The following MGAM variants were observed in gnomAD, a reference collection of about 807,000 sequenced individuals.
MGAM encodes alpha-1,4-glucosidase.
In MGAM, 253 loss-of-function variants were observed where a neutral mutation model predicts 358.8. That is an observed-to-expected ratio of 0.71 (90% CI 0.64 to 0.78). The LOEUF is 0.78. MGAM is among the 30% of genes least tolerant of loss of function. The pLI is 0.00. For missense variants in MGAM, 3,080 were observed against 3,432.6 expected, an observed-to-expected ratio of 0.90 and a Z score of 2.57; for synonymous variants, 1,105 against 1,227.1, an observed-to-expected ratio of 0.90 and a Z score of 2.08.
At chr7:142,033,338 G>T (rs1173426108) in intron 14 of MGAM, among the ~76,000 whole-genome samples, 1 of 152,172 alleles carries the variant, frequency 6.6e-6, no homozygotes, top group African/African-American at 2.4e-5. Context: ...TGAAAAGACA[G>T]AACTCATGAC....
At chr7:142,042,017 A>G (rs1808800632) in intron 21 of MGAM, among the ~76,000 whole-genome samples, 1 of 22,536 alleles carries the variant, frequency 4.4e-5, no homozygotes, top group African/African-American at 3.6e-4. Context: ...ATAATATAAT[A>G]TATATATATT....
chr7:142,090,826 AC>A (rs2129058361), intron 57 of MGAM, among the ~76,000 whole-genome samples: 1 of 146,818 alleles, frequency 6.8e-6, no homozygotes, highest in South Asian at 2.2e-4. Context: ...AGTGGTGTGA[AC>A]CCACCATTAA....
intron 44 of MGAM, 53 bp downstream of exon 44, chr7:142,071,171 G>T (rs1473887395): frequency 1.3e-6 from 2 of 1,502,858 alleles, no homozygotes; most frequent in East Asian, 4.7e-5. Flanking sequence ...TCAACAATTT[G>T]TGATGAAGTC....
intron 51 of MGAM, 36 bp downstream of exon 51, chr7:142,082,246 T>G: frequency 1.3e-6 from 2 of 1,538,146 alleles, no homozygotes; most frequent in Non-Finnish European, 1.8e-6. Flanking sequence ...TGTCTCTGCT[T>G]CTCTCCACCC....
In MGAM at chr7:142,008,508, C is replaced by A; in HGVS notation, c.130C>A (p.Pro44Thr). The change falls in exon 3 of 71, where the codon CCA becomes ACA. Residue 44 changes from proline (P) to threonine (T), a missense_variant and splice_region_variant. Pro to Thr is a conservative substitution (Grantham distance 38, BLOSUM62 -1). This residue lies in a region of MGAM where 1,816 missense variants were observed against 1,840.5 expected (regional missense o/e 0.99). Coordinates refer to ENST00000475668, the MANE Select transcript of MGAM (RefSeq NM_001365693.1). ...TTTTATGTTTGCTTTTGGTATAGCC[C>A]CAGATCCTGGGACAACTGGTACCCC... ...LAKESLKSTA[P>T]DPGTTGTPDP... 1 of 1,607,896 alleles carries A rather than the reference C, an allele frequency of 6.2e-7. No individual in the cohort carries two copies. The highest frequency in any genetic ancestry group is 8.5e-7 in the Non-Finnish European group (1 of 1,176,964).
chr7:142,065,864 T>G, intron 40 of MGAM, 33 bp downstream of exon 40: 1 of 1,433,024 alleles, frequency 7.0e-7, no homozygotes, highest in Non-Finnish European at 9.8e-7. Context: ...CACTGTTTTA[T>G]GTCACTTGAA....
Position 142,078,471 on chromosome 7 carries a change from G to A in MGAM, c.5646+1G>A, listed in dbSNP as rs774189961. 6 of 1,541,472 alleles carry A rather than the reference G, an allele frequency of 3.9e-6. 1 individual carries two copies. The highest frequency in any genetic ancestry group is 1.8e-5 in the Admixed American group (1 of 56,806). ...CACTGCCCGTGGCTGTATCTGGGAGGTAACCATGCTGATGGGGTTCATGTG... is the reference window on the plus strand; with the variant it reads ...CACTGCCCGTGGCTGTATCTGGGAGATAACCATGCTGATGGGGTTCATGTG... On this transcript the variant is annotated splice_donor_variant, in intron 48 of 70. Coordinates refer to ENST00000475668, the MANE Select transcript of MGAM (RefSeq NM_001365693.1). LOFTEE classifies it high-confidence loss of function.
chr7:142,078,921 T>A lies in MGAM; in HGVS notation c.5760T>A (p.Ser1920=), dbSNP rs2961092. ...GATADISLKS[S]VHANAFPSTP... Reference sequence around the variant, plus strand: ...CAGCTGACATCTCCTTAAAGTCTTCTGTTCATGCCAATGCCTTCCCTTCCA... The same window carrying A: ...CAGCTGACATCTCCTTAAAGTCTTCAGTTCATGCCAATGCCTTCCCTTCCA... The change falls in exon 49 of 71, where the codon TCT becomes TCA. Residue 1920 remains serine (S), a synonymous_variant. Coordinates refer to ENST00000475668, the MANE Select transcript of MGAM (RefSeq NM_001365693.1). The A allele has an allele frequency of 5.8e-6, 9 of 1,555,840 alleles. No homozygotes were observed. The highest frequency in any genetic ancestry group is 1.3e-5 in the African/African-American group (1 of 74,514).
intron 10 of MGAM, among the ~76,000 whole-genome samples, chr7:142,029,662 T>C (rs1051426110): frequency 2.6e-5 from 4 of 152,334 alleles, no homozygotes; most frequent in African/African-American, 9.6e-5. Flanking sequence ...TGAAAGGATA[T>C]AGTATGGACA....
In MGAM at chr7:142,038,577, TG is replaced by T; in HGVS notation, c.2283del (p.Gly763AlafsTer15). 6.2e-7 allele frequency: 1 copy of T among 1,611,712 alleles called. No homozygotes were observed. Among genetic ancestry groups the T allele is most frequent in the East Asian group, 2.2e-5 (1 of 44,672 alleles). On this transcript the variant is annotated frameshift_variant, in exon 19 of 71. Transcript: ENST00000475668. LOFTEE classifies it high-confidence loss of function. ...TTGGGATGTGCACCAACAGTTCTTA[TG>T]GGGGCCCGGCCTCCTCATCACTCCA... ...STWDVHQQFL[W>X]GPGLLITPVL...
chr7:142,067,951 TA>T lies in MGAM; in HGVS notation c.5004+527del. ...CCTCCCTCAAATATATATATATATA[TA>T]TATATATATATAAATATATATATAT... On this transcript the variant is annotated intron_variant, in intron 42 of 70. Coordinates refer to ENST00000475668, the MANE Select transcript of MGAM (RefSeq NM_001365693.1). Among the ~76,000 whole-genome samples the T allele has an allele frequency of 1.1e-4, 4 of 37,272 alleles. 1 individual carries two copies. Among genetic ancestry groups the T allele is most frequent in the Non-Finnish European group, 1.2e-4 (2 of 16,520 alleles). 24.5% of individuals were successfully genotyped at this position (37,272 alleles called of 152,430 possible). A position where few individuals can be genotyped will look rare whatever the true frequency, so the allele number is the denominator to read the frequency against.
intron 66 of MGAM, among the ~76,000 whole-genome samples, chr7:142,098,932 A>G (rs1460718771): frequency 6.6e-6 from 1 of 152,272 alleles, no homozygotes; most frequent in Non-Finnish European, 1.5e-5. Flanking sequence ...TTGGGTAACT[A>G]TTACTCATTC....
Position 142,088,719 on chromosome 7 carries a change from T to TTCTG in MGAM, c.6810+2003_6810+2004insCTGT, listed in dbSNP as rs1222257848. Among the ~76,000 whole-genome samples the TTCTG allele has an allele frequency of 1.5e-4, 19 of 123,902 alleles. No individual in the cohort carries two copies. In the East Asian group the frequency reaches 1.8e-3, roughly 12 times the overall value. The allele number at this position is 123,902 out of a possible 152,430, so 81.3% of individuals were successfully genotyped here. On this transcript the variant is annotated intron_variant, in intron 57 of 70. Transcript: ENST00000475668. ...CTATCCATCCAGCCACCCTATTCAT[T>TTCTG]TATGTCTGTCTGTCTGTCTGTCTGT...
intron 29 of MGAM, 28 bp from the exon 30 acceptor site, chr7:142,056,802 G>GA: frequency 6.2e-7 from 1 of 1,609,974 alleles, no homozygotes. Flanking sequence ...AGGTGTCCGT[G>GA]AGGCTTGGCA....
chr7:142,055,818 C>A, intron 28 of MGAM, 92 bp downstream of exon 28: 3 of 1,573,968 alleles, frequency 1.9e-6, no homozygotes, highest in South Asian at 2.3e-5. Context: ...TCCACTTGGT[C>A]ATCACATTCT....
chr7:142,012,250 A>G (rs538767224), intron 3 of MGAM, among the ~76,000 whole-genome samples: 2 of 152,292 alleles, frequency 1.3e-5, no homozygotes, highest in African/African-American at 4.8e-5. Context: ...TAATTTATCA[A>G]ACACAGAAAT....
chr7:142,054,172 A>G (rs1585019485), intron 26 of MGAM, among the ~76,000 whole-genome samples: 1 of 152,222 alleles, frequency 6.6e-6, no homozygotes, highest in South Asian at 2.1e-4. Context: ...GCACTTCTAC[A>G]TAGCTCTCCC....
In MGAM at chr7:142,076,455, ATT is replaced by A. The variant is rs780700310; in HGVS notation, c.5326-203_5326-202del. ...GTAGTGTTTCTAAATATAGTTTTTAATTATCTGTGTGTTTTTATGATTGTATC... is the reference window on the plus strand; with the variant it reads ...GTAGTGTTTCTAAATATAGTTTTTAAATCTGTGTGTTTTTATGATTGTATC... On this transcript the variant is annotated intron_variant, in intron 46 of 70. Coordinates refer to ENST00000475668, the MANE Select transcript of MGAM (RefSeq NM_001365693.1). 13 of 855,982 alleles carry A rather than the reference ATT, an allele frequency of 1.5e-5. No individual in the cohort carries two copies. The African/African-American group carries it at 2.0e-4, about 13-fold the overall frequency. The allele number at this position is 855,982 out of a possible 1,614,324, so 53.0% of individuals were successfully genotyped here.
chr7:142,055,417 T>C, intron 27 of MGAM, 141 bp from the exon 28 acceptor site: 2 of 1,008,012 alleles, frequency 2.0e-6, no homozygotes, highest in Non-Finnish European at 3.0e-6. Flanking sequence ...GATATTTTAA[T>C]CAAATTGAGT....
Sources: gnomAD v4.1 joint callset for allele counts (sites outside exome capture counted in the v4.1 genomes callset) on GRCh38, gnomAD v4.1.1 for gene constraint, gnomAD v4.1.1 regional missense constraint, MANE v1.5 for transcripts, NCBI Gene and HGNC (gene_info 2026-07-23, HGNC 2026-07-21) for gene names.